The following TECTA variants were observed in gnomAD, a reference collection of about 807,000 sequenced individuals.
The protein encoded by TECTA is tectorin alpha, also known as alpha-tectorin.
TECTA carries 128 observed loss-of-function variants against 216.8 expected under a neutral mutation model. The ratio of observed to expected loss-of-function variants is 0.59; its 90% CI spans 0.51 to 0.68. The LOEUF (loss-of-function observed/expected upper bound fraction) is 0.68. TECTA is among the 30% of genes least tolerant of loss of function. The probability of loss-of-function intolerance (pLI) is 0.00; values close to 1 mark genes in which losing one functional copy is unlikely to be tolerated. For synonymous variants in TECTA, 1,089 were observed against 1,117.1 expected, an observed-to-expected ratio of 0.97 and a Z score of 0.50; for missense variants, 2,551 against 2,786.2, an observed-to-expected ratio of 0.92 and a Z score of 1.90.
intron 7 of TECTA, among the ~76,000 whole-genome samples, chr11:121,120,591 C>T (rs537915798): frequency 6.6e-6 from 1 of 152,338 alleles, no homozygotes; most frequent in Non-Finnish European, 1.5e-5. Context: ...ACAGACCCCC[C>T]TTCTCCAGCA....
intron 4 of TECTA, among the ~76,000 whole-genome samples, chr11:121,112,533 TA>T (rs1461700320): frequency 2.0e-5 from 3 of 152,210 alleles, no homozygotes; most frequent in African/African-American, 7.2e-5. Context: ...AAGTGCTTTT[TA>T]AAAATCACTT....
At chr11:121,148,415 GT>G (rs1474070796) in intron 12 of TECTA, among the ~76,000 whole-genome samples, 2 of 152,060 alleles carry the variant, frequency 1.3e-5, no homozygotes, top group Non-Finnish European at 1.5e-5. Context: ...AAAAATATAT[GT>G]TTTAAAGATG....
Position 121,176,545 on chromosome 11 carries a change from CTGT to C in TECTA, c.5999+7622_5999+7624del, listed in dbSNP as rs1237352662. Among the ~76,000 whole-genome samples the C allele has an allele frequency of 2.5e-5, 3 of 118,178 alleles. No homozygotes were observed. The East Asian group carries it at 6.3e-4, about 25-fold the overall frequency. 77.5% of individuals were successfully genotyped at this position (118,178 alleles called of 152,430 possible). On this transcript the variant is annotated intron_variant, in intron 20 of 23. Transcript: ENST00000392793. ...TGTAGAGTTTCTGCCAAGAGATCCGCTGTTAGTCTGATGGGCTTCCCTTTGTGG... is the reference window on the plus strand; with the variant it reads ...TGTAGAGTTTCTGCCAAGAGATCCGCTAGTCTGATGGGCTTCCCTTTGTGG...
rs200535910 is a variant in TECTA, at chr11:121,127,838, C to T, written c.1861C>T (p.Arg621Trp). 5.0e-6 allele frequency: 8 copies of T among 1,614,108 alleles called. No individual in the cohort carries two copies. Among genetic ancestry groups the T allele is most frequent in the African/African-American group, 1.3e-5 (1 of 75,052 alleles). Reference protein sequence around the residue: ...PDTCSDLTASRNCATPCTEGC... With the variant: ...PDTCSDLTASWNCATPCTEGC... ...CACATGCTCCGACCTGACGGCCTCG[C>T]GGAACTGCGCCACGCCGTGCACAGA... Residue 621 changes from arginine (R) to tryptophan (W), a missense_variant, in exon 9 of 24, where the codon CGG becomes TGG. Arg to Trp is a moderately radical substitution (Grantham distance 101). Transcript: ENST00000392793. This position sits in a 1 kb window ranked among gnomAD's most constrained non-coding sequence, Gnocchi z 5.0.
chr11:121,152,347 C>T (rs1383875069), intron 12 of TECTA, among the ~76,000 whole-genome samples: 3 of 152,218 alleles, frequency 2.0e-5, no homozygotes, highest in African/African-American at 7.2e-5. Context: ...CTTAGAAAAA[C>T]GTTCTGTAGA....
chr11:121,178,154 G>C (rs1365429377), intron 20 of TECTA, among the ~76,000 whole-genome samples: 1 of 152,214 alleles, frequency 6.6e-6, no homozygotes, highest in African/African-American at 2.4e-5. Context: ...GCCTCGCCCT[G>C]CTTCGGCTCG....
chr11:121,132,009 T>G (rs1946679994), intron 10 of TECTA, among the ~76,000 whole-genome samples: 2 of 152,370 alleles, frequency 1.3e-5, no homozygotes, highest in South Asian at 4.1e-4. Context: ...TTTAATCATA[T>G]AATTAATACA....
chr11:121,142,743 T>C (rs1946796758), intron 11 of TECTA, among the ~76,000 whole-genome samples: 1 of 152,138 alleles, frequency 6.6e-6, no homozygotes, highest in South Asian at 2.1e-4. Flanking sequence ...ACCCTGTCAC[T>C]TAAATGACTG....
At chr11:121,185,258 A>C (rs527592257) in intron 20 of TECTA, among the ~76,000 whole-genome samples, 1 of 152,212 alleles carries the variant, frequency 6.6e-6, no homozygotes, top group Non-Finnish European at 1.5e-5. Flanking sequence ...TTTCCAGTGC[A>C]TTTAGGGAAA....
In TECTA at chr11:121,146,019, C is replaced by A; in HGVS notation, c.4008C>A (p.Gly1336=). The A allele has an allele frequency of 1.9e-6, 3 of 1,614,066 alleles. No individual in the cohort carries two copies. Among genetic ancestry groups the A allele is most frequent in the African/African-American group, 1.3e-5 (1 of 75,070 alleles). ...NCLFDSCIDG[G]AVQTACSWLQ... ...TGTTTGACTCTTGCATCGATGGGGG[C>A]GCGGTGCAGACCGCCTGCAGCTGGC... The change falls in exon 12 of 24, where the codon GGC becomes GGA. Residue 1336 remains glycine (G), a synonymous_variant. Transcript: ENST00000392793.
Position 121,125,861 on chromosome 11 carries a change from A to C in TECTA, c.1763A>C (p.Gln588Pro), listed in dbSNP as rs1285509844. ...LGIPIGDWRT[Q>P]TGCVSTVQCP... is the part of the protein sequence containing the mutation. The stretch of plus-strand genomic sequence containing the variant: ...ATTCCAATTGGAGACTGGCGAACCC[A>C]GACTGGGTGTGGTAAGCTGGCATCC... Residue 588 changes from glutamine (Q) to proline (P), a missense_variant, in exon 8 of 24, where the codon CAG (glutamine) becomes CCG (proline). Gln to Pro is a moderately conservative substitution (Grantham distance 76, BLOSUM62 -1). Around this residue, in one of 3 missense-constraint regions of TECTA, gnomAD observed 2,375 missense variants for 2,563.9 expected, o/e 0.93. Coordinates refer to ENST00000392793, the MANE Select transcript of TECTA (RefSeq NM_005422.4). 1 of 1,608,698 alleles carries C rather than the reference A, an allele frequency of 6.2e-7. No individual in the cohort carries two copies. The highest frequency in any genetic ancestry group is 1.3e-5 in the African/African-American group (1 of 74,922).
chr11:121,168,576 C>T lies in TECTA; in HGVS notation c.5751-101C>T, dbSNP rs1260034999. On this transcript the variant is annotated intron_variant, in intron 19 of 23. Transcript: ENST00000392793. ...AGCACAGCCTTAGACTTTGCTACTA[C>T]GTGCTTTGCTTTCCCTCTGCATTCT... 32 of 1,577,202 alleles carry T rather than the reference C, an allele frequency of 2.0e-5. No individual in the cohort carries two copies. The Middle Eastern group carries it at 5.1e-4, about 25-fold the overall frequency.
chr11:121,159,790 A>T (rs1255560555), intron 14 of TECTA, among the ~76,000 whole-genome samples: 2 of 152,204 alleles, frequency 1.3e-5, no homozygotes, highest in Admixed American at 1.3e-4. Flanking sequence ...TACTTTTCTA[A>T]GGTTTCCTTA....
rs185351501 is a variant in TECTA, at chr11:121,118,393, A to C, written c.878A>C (p.Tyr293Ser). ...CRCLDFNNEIYCQEASCSPYE... is the reference protein window; with the variant it reads ...CRCLDFNNEISCQEASCSPYE... ...TGTCTGGATTTCAACAATGAGATCT[A>C]CTGCCAGGAGGCTTCCTGTAGCCCC... Residue 293 changes from tyrosine to serine, a missense_variant, in exon 7 of 24, where the codon TAC becomes TCC. This residue lies in a region of TECTA where 2,375 missense variants were observed against 2,563.9 expected (regional missense o/e 0.93). Transcript: ENST00000392793. 6.2e-7 allele frequency: 1 copy of C among 1,614,182 alleles called. No homozygotes were observed. Among genetic ancestry groups the C allele is most frequent in the South Asian group, 1.1e-5 (1 of 91,080 alleles).
chr11:121,145,507 A>T (rs748960536), intron 11 of TECTA, 48 bp from the exon 12 acceptor site: 8 of 1,600,282 alleles, frequency 5.0e-6, no homozygotes, highest in Non-Finnish European at 6.9e-6. Context: ...AAGAGCTGGG[A>T]AATCTCTGGG....
intron 19 of TECTA, 163 bp from the exon 20 acceptor site, chr11:121,168,514 A>C (rs751171018): frequency 7.9e-6 from 8 of 1,015,108 alleles, no homozygotes; most frequent in Non-Finnish European, 1.2e-5. Flanking sequence ...ATTTAAATGT[A>C]AATTGCCCCA....
At position 121,113,008 on chromosome 11, in the gene TECTA, C is replaced by A. The variant is rs1946456326; in HGVS notation, c.487-64C>A. 6.2e-7 allele frequency: 1 copy of A among 1,607,470 alleles called. No homozygotes were observed. Among genetic ancestry groups the A allele is most frequent in the African/African-American group, 1.3e-5 (1 of 74,858 alleles). On this transcript the variant is annotated intron_variant, in intron 4 of 23. Transcript: ENST00000392793. This position sits in a 1 kb window ranked among gnomAD's most constrained non-coding sequence, Gnocchi z 4.2. ...GGGAGGGCGCAGGGTGAAGGGAGGA[C>A]CTCCTTGGGGCCAGGACCTCCTGGG...
At chr11:121,188,432 G>A (rs10892687) in intron 21 of TECTA, among the ~76,000 whole-genome samples, 59,776 of 151,942 alleles carry the variant, frequency 0.39, 12,470 homozygotes, top group African/African-American at 0.52. Context: ...GGAGCCAGGC[G>A]GCCTGACTCT....
Position 121,113,834 on chromosome 11 carries a change from T to G in TECTA, c.790+116T>G. Reference sequence around the variant, plus strand: ...TGATGCCTTACTCTTTTGACATCTCTCCGCTGGGTAATGGAGATCAAGGTA... The same window carrying G: ...TGATGCCTTACTCTTTTGACATCTCGCCGCTGGGTAATGGAGATCAAGGTA... On this transcript the variant is annotated intron_variant, in intron 6 of 23. Coordinates refer to ENST00000392793, the MANE Select transcript of TECTA (RefSeq NM_005422.4). The surrounding 1 kb of genome is among the most constrained non-coding windows in gnomAD (Gnocchi z 4.2). The G allele has an allele frequency of 1.6e-6, 2 of 1,239,558 alleles. No individual in the cohort carries two copies. Among genetic ancestry groups the G allele is most frequent in the Non-Finnish European group, 2.3e-6 (2 of 866,324 alleles). The allele number at this position is 1,239,558 out of a possible 1,614,324, so 76.8% of individuals were successfully genotyped here. A position where few individuals can be genotyped will look rare whatever the true frequency, so the allele number is the denominator to read the frequency against.
Sources: allele counts gnomAD v4.1 joint callset (sites outside exome capture counted in the v4.1 genomes callset), GRCh38; gene constraint gnomAD v4.1.1; regional missense constraint gnomAD v4.1.1; non-coding constraint Gnocchi (gnomAD v3.1); transcripts MANE v1.5; gene names NCBI Gene and HGNC (gene_info 2026-07-23, HGNC 2026-07-21).